Variants in OSTN observed in about 807,000 individuals in gnomAD.
The protein encoded by OSTN is osteocrin.
A neutral mutation model predicts 12.0 loss-of-function variants in OSTN; 9 were observed. The observed-to-expected ratio is 0.75, with a 90% CI of 0.45 to 1.30. The LOEUF (loss-of-function observed/expected upper bound fraction) is 1.30, where lower values mean the gene tolerates loss of function less well. Ranked by LOEUF, OSTN falls within the 50% of genes most tolerant of loss-of-function variation. The pLI, the probability that OSTN is intolerant of heterozygous loss-of-function variation, is 0.00. For synonymous variants in OSTN, 59 were observed against 56.9 expected, an observed-to-expected ratio of 1.04 and a Z score of -0.16; for missense variants, 148 against 152.3, an observed-to-expected ratio of 0.97 and a Z score of 0.15.
At chr3:191,253,800 A>G (rs1222852516) in intron 4 of OSTN, among the ~76,000 whole-genome samples, 1 of 152,260 alleles carries the variant, frequency 6.6e-6, no homozygotes, top group African/African-American at 2.4e-5. Context: ...AGATCTACAG[A>G]TGCAAATTTC....
intron 1 of OSTN, among the ~76,000 whole-genome samples, chr3:191,200,934 G>A (rs188613270): frequency 6.6e-6 from 1 of 152,214 alleles, no homozygotes; most frequent in East Asian, 1.9e-4. Flanking sequence ...ACAGCTTTAT[G>A]GACAAACCAT....
chr3:191,218,714 A>G (rs375573178), intron 2 of OSTN, 33 bp from the exon 3 acceptor site: 1 of 1,575,642 alleles, frequency 6.3e-7, no homozygotes, highest in Non-Finnish European at 8.7e-7. Flanking sequence ...CTCTTTGTCT[A>G]AATTAACGGA....
chr3:191,259,090 T>C (rs1715740985), intron 4 of OSTN, among the ~76,000 whole-genome samples: 1 of 152,110 alleles, frequency 6.6e-6, no homozygotes, highest in African/African-American at 2.4e-5. Context: ...CTGAGTCCCT[T>C]AAGGAGTGTG....
chr3:191,208,969 T>G (rs986341484), intron 1 of OSTN, among the ~76,000 whole-genome samples: 1 of 152,072 alleles, frequency 6.6e-6, no homozygotes, highest in Non-Finnish European at 1.5e-5. Context: ...AGCAGCCTGG[T>G]CAACATAGAG....
intron 4 of OSTN, among the ~76,000 whole-genome samples, chr3:191,260,658 G>C (rs1267535785): frequency 6.6e-6 from 1 of 152,126 alleles, no homozygotes; most frequent in African/African-American, 2.4e-5. Flanking sequence ...AAAAGTCTTG[G>C]GTTCCCAGGC....
chr3:191,213,889 A>C (rs1242268358), intron 2 of OSTN, among the ~76,000 whole-genome samples: 1 of 152,056 alleles, frequency 6.6e-6, no homozygotes, highest in Admixed American at 6.6e-5. Context: ...TACCCTTTGA[A>C]GGTTTATCTC....
intron 4 of OSTN, among the ~76,000 whole-genome samples, chr3:191,259,636 T>C (rs6444524): frequency 0.54 from 82,227 of 151,410 alleles, 23,626 homozygotes; most frequent in Non-Finnish European, 0.61. Context: ...CACACAGATG[T>C]CAAACCAACA....
chr3:191,216,883 C>T (rs1714626221), intron 2 of OSTN, among the ~76,000 whole-genome samples: 1 of 152,200 alleles, frequency 6.6e-6, no homozygotes, highest in Admixed American at 6.5e-5. Context: ...TTCTTCTGAG[C>T]CCTCCCAACT....
At chr3:191,245,473 A>G (rs1263650899) in intron 3 of OSTN, among the ~76,000 whole-genome samples, 2 of 152,228 alleles carry the variant, frequency 1.3e-5, no homozygotes, top group Non-Finnish European at 2.9e-5. Context: ...TACTATCAGT[A>G]AGTAAATCAA....
chr3:191,222,552 A>G (rs943289928), intron 3 of OSTN, among the ~76,000 whole-genome samples: 1 of 152,198 alleles, frequency 6.6e-6, no homozygotes, highest in Non-Finnish European at 1.5e-5. Context: ...TCAGGCTCAT[A>G]GGCAGAAGAG....
intron 4 of OSTN, among the ~76,000 whole-genome samples, chr3:191,258,407 G>C (rs980448983): frequency 6.6e-6 from 1 of 152,066 alleles, no homozygotes; most frequent in Non-Finnish European, 1.5e-5. Context: ...GCATTTAGAT[G>C]TTTAAAAAGC....
intron 3 of OSTN, among the ~76,000 whole-genome samples, chr3:191,247,683 C>T (rs1343017470): frequency 2.0e-5 from 3 of 152,158 alleles, no homozygotes; most frequent in Non-Finnish European, 4.4e-5. Flanking sequence ...TATACAACAG[C>T]ACCAAGCACA....
At chr3:191,241,668 A>T (rs1715325454) in intron 3 of OSTN, among the ~76,000 whole-genome samples, 1 of 152,214 alleles carries the variant, frequency 6.6e-6, no homozygotes. Context: ...AAGGAAAAAA[A>T]GTTTTAATGA....
At chr3:191,258,657 AT>A (rs1196777217) in intron 4 of OSTN, among the ~76,000 whole-genome samples, 1 of 135,504 alleles carries the variant, frequency 7.4e-6, no homozygotes, top group Non-Finnish European at 1.7e-5. Context: ...TTAAAGTATA[AT>A]TAAAAAAAAA....
intron 4 of OSTN, among the ~76,000 whole-genome samples, chr3:191,259,124 C>A (rs1301878973): frequency 1.3e-5 from 2 of 151,978 alleles, no homozygotes; most frequent in Non-Finnish European, 2.9e-5. Context: ...CTTTTCTAGA[C>A]CTTTTCCTGT....
At chr3:191,228,823 G>A (rs1478580248) in intron 3 of OSTN, 1 of 152,184 alleles carries the variant, frequency 6.6e-6, no homozygotes, top group Non-Finnish European at 1.5e-5. Flanking sequence ...AAACGAGGTA[G>A]AAATTTCTCT....
chr3:191,200,451 CTT>C (rs1347773495), intron 1 of OSTN, among the ~76,000 whole-genome samples: 1 of 152,120 alleles, frequency 6.6e-6, no homozygotes, highest in Non-Finnish European at 1.5e-5. Context: ...ATAATTTTAA[CTT>C]CTTTTACAAA....
chr3:191,212,465 G>C, intron 1 of OSTN, 68 bp from the exon 2 acceptor site: 1 of 1,029,526 alleles, frequency 9.7e-7, no homozygotes, highest in Non-Finnish European at 1.4e-6. Context: ...AGTCCTTTTA[G>C]GAACTTCTGT....
rs551289222 is a variant in OSTN, at chr3:191,228,547, C to T, written c.317+9586C>T. ...CTTATTAGAAAATAATTTTATGTTCCTGCTAGATCAACTGTATTTTTACTA... is the reference window on the plus strand; with the variant it reads ...CTTATTAGAAAATAATTTTATGTTCTTGCTAGATCAACTGTATTTTTACTA... On this transcript the variant is annotated intron_variant, in intron 3 of 4. Coordinates refer to ENST00000682035, the MANE Select transcript of OSTN (RefSeq NM_198184.2). Among the ~76,000 whole-genome samples, 6 of 152,146 alleles carry T rather than the reference C, an allele frequency of 3.9e-5. No homozygotes were observed. The East Asian group carries it at 1.2e-3, about 29-fold the overall frequency.
Sources: gnomAD v4.1 joint callset for allele counts (sites outside exome capture counted in the v4.1 genomes callset) on GRCh38, gnomAD v4.1.1 for gene constraint, MANE v1.5 for transcripts, NCBI Gene and HGNC (gene_info 2026-07-23, HGNC 2026-07-21) for gene names.